Variants in CARD10 observed in about 807,000 individuals in gnomAD.
The protein encoded by CARD10 is caspase recruitment domain-containing protein 10.
CARD10 carries 49 observed loss-of-function variants against 114.6 expected under a neutral mutation model. The observed-to-expected ratio is 0.43, with a 90% CI of 0.34 to 0.54. The LOEUF (loss-of-function observed/expected upper bound fraction) is 0.54. Ranked by LOEUF, CARD10 falls within the 20% of genes least tolerant of loss-of-function variation. The pLI is 0.03. For synonymous variants in CARD10, 602 were observed against 593.2 expected (o/e 1.01, Z -0.21); for missense variants, 1,206 against 1,397.2 (o/e 0.86, Z 2.18).
Position 37,491,293 on chromosome 22 carries a change from C to A in CARD10, c.2965G>T (p.Val989Leu). Residue 989 changes from valine (V) to leucine (L), a missense_variant, in exon 20 of 20, where the codon GTG (valine) becomes TTG (leucine). Coordinates refer to ENST00000251973, the MANE Select transcript of CARD10 (RefSeq NM_014550.4). ...GCGTGTCCCCACTCATGGGCGGGCA[C>A]CTGCACCCAGGAGCAGGGCAGCCCC... ...LWGLPCSWVQVPAHEWGHAEE... is the reference protein window; with the variant it reads ...LWGLPCSWVQLPAHEWGHAEE... 1 of 1,569,086 alleles carries A rather than the reference C, an allele frequency of 6.4e-7. No individual in the cohort carries two copies.
intron 7 of CARD10, among the ~76,000 whole-genome samples, chr22:37,504,979 G>A (rs919041813): frequency 6.6e-6 from 1 of 152,176 alleles, no homozygotes; most frequent in African/African-American, 2.4e-5. Context: ...AGGTGCCCAG[G>A]GCATGGAAAA....
At chr22:37,518,623 A>G (rs561327417) in intron 1 of CARD10, among the ~76,000 whole-genome samples, 29 of 152,310 alleles carry the variant, frequency 1.9e-4, no homozygotes, top group African/African-American at 6.7e-4. Flanking sequence ...GAGATCAAAG[A>G]GCGCAGGAAA....
At chr22:37,516,425 T>C (rs916171153) in intron 2 of CARD10, 127 bp from the exon 3 acceptor site, 29 of 684,266 alleles carry the variant, frequency 4.2e-5, no homozygotes, top group African/African-American at 1.1e-4. Flanking sequence ...ATTTGTAGAA[T>C]TGGGAGCAGG....
rs376844051 is a variant in CARD10 at position 37,518,029 on chromosome 22, G to A, written c.315C>T (p.Pro105=). The change falls in exon 2 of 20, where the codon CCC becomes CCT. Residue 105 remains proline, a synonymous_variant. Coordinates refer to ENST00000251973, the MANE Select transcript of CARD10 (RefSeq NM_014550.4). Reference sequence around the variant, plus strand: ...GGCCCGTGAGCAGCGTGAAGTGTTCGGGGTAGTAGAACTCCAGGGCTTCCA... The same window carrying A: ...GGCCCGTGAGCAGCGTGAAGTGTTCAGGGTAGTAGAACTCCAGGGCTTCCA... ...AFLEALEFYY[P]EHFTLLTGQE... The A allele has an allele frequency of 1.9e-6, 3 of 1,613,922 alleles. No homozygotes were observed. The highest frequency in any genetic ancestry group is 2.7e-5 in the African/African-American group (2 of 74,902).
At position 37,508,650 on chromosome 22, in the gene CARD10, C is replaced by T; in HGVS notation, c.942G>A (p.Glu314=). ...EASRPGAPGS[E]RILLDILEHD... ...GCTCTAGGATGTCCAGCAGGATGCG[C>T]TCGGAGCCCGGGGCCCCCGGCCGGC... The change falls in exon 5 of 20, where the codon GAG becomes GAA. Residue 314 remains glutamate, a synonymous_variant. Transcript: ENST00000251973. 1 of 1,580,212 alleles carries T rather than the reference C, an allele frequency of 6.3e-7. No homozygotes were observed. The highest frequency in any genetic ancestry group is 1.1e-5 in the South Asian group (1 of 87,240).
intron 19 of CARD10, 65 bp from the exon 20 acceptor site, chr22:37,491,458 G>A (rs1468154202): frequency 3.3e-6 from 4 of 1,221,446 alleles, no homozygotes; most frequent in Non-Finnish European, 4.4e-6. Context: ...GACAGGGAGA[G>A]AGGGACAGAC....
At chr22:37,507,709 C>G (rs897814004) in intron 6 of CARD10, 120 bp downstream of exon 6, 3 of 1,292,244 alleles carry the variant, frequency 2.3e-6, no homozygotes, top group Non-Finnish European at 1.1e-6. Context: ...CCCGTCCTAA[C>G]CCAACAGGGA....
At chr22:37,499,089 C>T (rs558652997) in intron 11 of CARD10, among the ~76,000 whole-genome samples, 2 of 152,226 alleles carry the variant, frequency 1.3e-5, no homozygotes, top group African/African-American at 4.8e-5. Flanking sequence ...GCTCCCGCCA[C>T]CCCAGGTAAA....
rs146425454 is a variant in CARD10 at position 37,491,840 on chromosome 22, G to A, written c.2779C>T (p.Arg927Trp). Residue 927 changes from arginine (R) to tryptophan (W), a missense_variant, in exon 19 of 20, where the codon CGG (arginine) becomes TGG (tryptophan). Arg to Trp is a moderately radical substitution (Grantham distance 101). Around this residue, in one of 2 missense-constraint regions of CARD10, gnomAD observed 1,068 missense variants for 1,179.1 expected, o/e 0.91. Coordinates refer to ENST00000251973, the MANE Select transcript of CARD10 (RefSeq NM_014550.4). ...TTCTGCACCAGCTCCCGCACACCCC[G>A]AGCACCCAGCTCCAGCAGGCAGTGC... is the stretch of plus-strand genomic sequence containing the variant. Reference protein sequence around the residue: ...KKHCLLELGARGVRELVQNEI... With the variant: ...KKHCLLELGAWGVRELVQNEI... 2.8e-6 allele frequency: 4 copies of A among 1,429,876 alleles called. No homozygotes were observed. Among genetic ancestry groups the A allele is most frequent in the East Asian group, 3.5e-5 (1 of 28,656 alleles). 88.6% of individuals were successfully genotyped at this position (1,429,876 alleles called of 1,614,324 possible). A position where few individuals can be genotyped will look rare whatever the true frequency, so the allele number is the denominator to read the frequency against.
Position 37,502,599 on chromosome 22 carries a change from T to C in CARD10, c.1787+3A>G. The C allele has an allele frequency of 1.2e-6, 2 of 1,613,486 alleles. No homozygotes were observed. The highest frequency in any genetic ancestry group is 2.2e-5 in the South Asian group (2 of 91,042). ...CTCCACCCACTGCAGGCAGCTACAG[T>C]ACCTGTTGAGGAAGTCCAGGCCACA... On this transcript the variant is annotated splice_donor_region_variant and intron_variant, in intron 11 of 19. Coordinates refer to ENST00000251973, the MANE Select transcript of CARD10 (RefSeq NM_014550.4).
rs190496057 is a variant in CARD10, at chr22:37,499,476, G to A, written c.1788-2298C>T. ...CAGACCAGAGCCCAGTAAGCAGCTGGCATCCAGGCTCTTCCACCAACCCTA... is the reference window on the plus strand; with the variant it reads ...CAGACCAGAGCCCAGTAAGCAGCTGACATCCAGGCTCTTCCACCAACCCTA... On this transcript the variant is annotated intron_variant, in intron 11 of 19. Coordinates refer to ENST00000251973, the MANE Select transcript of CARD10 (RefSeq NM_014550.4). 1.8e-3 allele frequency among the ~76,000 whole-genome samples: 267 copies of A among 152,100 alleles called. 1 individual carries two copies. The highest frequency in any genetic ancestry group is 6.2e-3 in the African/African-American group (258 of 41,460).
chr22:37,504,333 C>T (rs1385459458), intron 8 of CARD10, 32 bp from the exon 9 acceptor site: 1 of 1,425,178 alleles, frequency 7.0e-7, no homozygotes, highest in Non-Finnish European at 9.5e-7. Flanking sequence ...TGGGTCACCC[C>T]CACTGCCCAG....
chr22:37,502,548 G>T, intron 11 of CARD10, 54 bp downstream of exon 11: 1 of 1,582,284 alleles, frequency 6.3e-7, no homozygotes, highest in Non-Finnish European at 8.6e-7. Flanking sequence ...CCTCACTCCT[G>T]TTCCCCTCTC....
At chr22:37,518,195 C>T (rs968630067) in intron 1 of CARD10, 87 bp from the exon 2 acceptor site, 28 of 1,335,776 alleles carry the variant, frequency 2.1e-5, no homozygotes, top group Middle Eastern at 4.2e-4. Context: ...ATGCTCCAGG[C>T]CCACGTTCCC....
intron 5 of CARD10, 45 bp from the exon 6 acceptor site, chr22:37,507,999 A>C (rs1409930984): frequency 2.5e-6 from 4 of 1,609,756 alleles, no homozygotes; most frequent in Non-Finnish European, 3.4e-6. Flanking sequence ...GCTGGGGACC[A>C]TGAGAAAGCT....
chr22:37,508,714 T>C, intron 4 of CARD10, 32 bp from the exon 5 acceptor site: 1 of 1,529,966 alleles, frequency 6.5e-7, no homozygotes, highest in South Asian at 1.2e-5. Context: ...CACCTCAGGG[T>C]CTGGCTAGGG....
At chr22:37,505,618 A>G (rs936730300) in intron 7 of CARD10, among the ~76,000 whole-genome samples, 29 of 151,018 alleles carry the variant, frequency 1.9e-4, no homozygotes, top group African/African-American at 7.1e-4. Context: ...AGCCTGGGTG[A>G]TACAGCAAGA....
rs759392740 is a variant in CARD10 at position 37,504,666 on chromosome 22, G to A, written c.1487C>T (p.Ala496Val). The change falls in exon 8 of 20, where the codon GCT (alanine) becomes GTT (valine). Residue 496 changes from alanine to valine, a missense_variant. By Grantham distance (64) the Ala-to-Val change is moderately conservative. Coordinates refer to ENST00000251973, the MANE Select transcript of CARD10 (RefSeq NM_014550.4). ...GTGAGGCTCAGGTCCCCCCATGACA[G>A]CTGCCTCCCCAGTTGCTTCTGGGCC... ...LGGPEATGEA[A>V]VMGGPEPHNS... 5.3e-5 allele frequency: 83 copies of A among 1,557,794 alleles called. No homozygotes were observed. The highest frequency in any genetic ancestry group is 6.7e-5 in the Non-Finnish European group (77 of 1,154,710).
chr22:37,506,436 T>C (rs543598926), intron 6 of CARD10, 53 bp from the exon 7 acceptor site: 4 of 1,399,926 alleles, frequency 2.9e-6, no homozygotes, highest in East Asian at 2.5e-5. Flanking sequence ...TGGCCCAGCT[T>C]TCCTGGCCTA....
Sources: gnomAD v4.1 joint callset for allele counts (sites outside exome capture counted in the v4.1 genomes callset) on GRCh38, gnomAD v4.1.1 for gene constraint, gnomAD v4.1.1 regional missense constraint, MANE v1.5 for transcripts, NCBI Gene and HGNC (gene_info 2026-07-23, HGNC 2026-07-21) for gene names.